B3GALT5: variants seen among roughly 807,000 people sequenced by gnomAD.
B3GALT5 encodes the protein UDP-Gal:betaGlcNAc beta 1,3-galactosyltransferase, polypeptide 5.
For missense variants in B3GALT5, 328 were observed against 396.6 expected (o/e 0.83, Z 1.47); for synonymous variants, 156 against 158.6 (o/e 0.98, Z 0.12).
In B3GALT5 at chr21:39,667,983, G is replaced by A. The variant is rs1290835272; in HGVS notation, c.*6491G>A. Reference sequence around the variant, plus strand: ...TTCACCTCAGAAGGTTGTCAGAGGTGTGGAAATTAAGATAATTCACATTGA... The same window carrying A: ...TTCACCTCAGAAGGTTGTCAGAGGTATGGAAATTAAGATAATTCACATTGA... On this transcript the variant is annotated 3_prime_UTR_variant, in exon 4 of 4. Coordinates refer to ENST00000684187, the MANE Select transcript of B3GALT5 (RefSeq NM_001356336.2). The A allele has an allele frequency of 1.3e-5, 2 of 152,270 alleles. No individual in the cohort carries two copies. The highest frequency in any genetic ancestry group is 3.9e-4 in the East Asian group (2 of 5,194). The allele number at this position is 152,270 out of a possible 1,614,324, so 9.4% of individuals were successfully genotyped here. A position where few individuals can be genotyped will look rare whatever the true frequency, so the allele number is the denominator to read the frequency against.
rs775691952 is a variant in B3GALT5, at chr21:39,661,006, G to A, written c.447G>A (p.Ala149=). 7.4e-6 allele frequency: 12 copies of A among 1,613,164 alleles called. No individual in the cohort carries two copies. Among genetic ancestry groups the A allele is most frequent in the East Asian group, 4.5e-5 (2 of 44,870 alleles). The change falls in exon 4 of 4, where the codon GCG becomes GCA. Residue 149 remains alanine, a synonymous_variant. Transcript: ENST00000684187. This position sits in a 1 kb window ranked among gnomAD's most constrained non-coding sequence, Gnocchi z 4.7. The part of the protein sequence containing the change: ...IEWVHRFCPQ[A]AFVMKTDSDM... ...GGGTCCATCGCTTTTGTCCTCAGGCGGCGTTTGTGATGAAAACAGACTCAG... is the reference window on the plus strand; with the variant it reads ...GGGTCCATCGCTTTTGTCCTCAGGCAGCGTTTGTGATGAAAACAGACTCAG...
intron 1 of B3GALT5, among the ~76,000 whole-genome samples, chr21:39,638,983 C>T (rs1027908777): frequency 2.0e-5 from 3 of 152,186 alleles, no homozygotes; most frequent in African/African-American, 4.8e-5. Context: ...GCCAGTTTCC[C>T]GTGTACAGCT....
chr21:39,639,347 T>TTTCTTTTTTTCCTTCCTTCC (rs762994044), intron 1 of B3GALT5, among the ~76,000 whole-genome samples: 41 of 66,770 alleles, frequency 6.1e-4, no homozygotes, highest in Admixed American at 1.6e-3. Context: ...TCTTTCTTTC[T>TTTCTTTTTTTCCTTCCTTCC]TTCCTTCCTT....
At chr21:39,638,512 C>A (rs955795293) in intron 1 of B3GALT5, among the ~76,000 whole-genome samples, 3 of 152,194 alleles carry the variant, frequency 2.0e-5, no homozygotes, top group African/African-American at 7.2e-5. Flanking sequence ...CTGGCTCCCC[C>A]ATCTGCTGAG....
intron 2 of B3GALT5, among the ~76,000 whole-genome samples, chr21:39,651,418 A>G (rs967056856): frequency 3.3e-5 from 5 of 152,160 alleles, no homozygotes; most frequent in Non-Finnish European, 7.4e-5. Flanking sequence ...TGCCTTTGGC[A>G]TTCCTTGGCT....
intron 1 of B3GALT5, among the ~76,000 whole-genome samples, chr21:39,641,529 G>C (rs563052496): frequency 6.6e-6 from 1 of 152,054 alleles, no homozygotes; most frequent in African/African-American, 2.4e-5. Flanking sequence ...CCTTTACCGC[G>C]TTTTTTAATA....
At position 39,669,313 on chromosome 21, in the gene B3GALT5, A is replaced by C. The variant is rs933783694; in HGVS notation, c.*7821A>C. 1 of 152,140 alleles carries C rather than the reference A, an allele frequency of 6.6e-6. No homozygotes were observed. The highest frequency in any genetic ancestry group is 1.5e-5 in the Non-Finnish European group (1 of 68,036). The allele number at this position is 152,140 out of a possible 1,614,324, so 9.4% of individuals were successfully genotyped here. On this transcript the variant is annotated 3_prime_UTR_variant, in exon 4 of 4. Transcript: ENST00000684187. ...AACCTTTTACAGTTAGGAAAGCCAA[A>C]GCTCAGAAAAATGGAGTGACTTTGC...
rs1042120971 is a variant in B3GALT5, at chr21:39,667,497, G to A, written c.*6005G>A. On this transcript the variant is annotated 3_prime_UTR_variant, in exon 4 of 4. Coordinates refer to ENST00000684187, the MANE Select transcript of B3GALT5 (RefSeq NM_001356336.2). The stretch of plus-strand genomic sequence containing the variant: ...TGAGCATGGCCTCTGGGAATGGTAA[G>A]AACAAGGAAGCATTGTGTGTGTGTG... 6.6e-6 allele frequency: 1 copy of A among 152,236 alleles called. No individual in the cohort carries two copies. Among genetic ancestry groups the A allele is most frequent in the African/African-American group, 2.4e-5 (1 of 41,460 alleles). The allele number at this position is 152,236 out of a possible 1,614,324, so 9.4% of individuals were successfully genotyped here.
At chr21:39,627,603 C>T (rs2079171087) in intron 1 of B3GALT5, among the ~76,000 whole-genome samples, 1 of 151,896 alleles carries the variant, frequency 6.6e-6, no homozygotes, top group Non-Finnish European at 1.5e-5. Flanking sequence ...CTTTGCTATT[C>T]ATTTTTCTGC....
chr21:39,641,235 G>A (rs537875385), intron 1 of B3GALT5, among the ~76,000 whole-genome samples: 1 of 152,278 alleles, frequency 6.6e-6, no homozygotes, highest in African/African-American at 2.4e-5. Context: ...AAAACATGAA[G>A]TTAAAATCCA....
At chr21:39,656,274 G>A (rs1336906007) in intron 2 of B3GALT5, among the ~76,000 whole-genome samples, 1 of 152,140 alleles carries the variant, frequency 6.6e-6, no homozygotes, top group East Asian at 1.9e-4. Flanking sequence ...AGGCCTATGC[G>A]GTGGTGAGAA....
At chr21:39,647,601 A>G (rs116791585) in intron 2 of B3GALT5, among the ~76,000 whole-genome samples, 1 of 152,084 alleles carries the variant, frequency 6.6e-6, no homozygotes, top group East Asian at 1.9e-4. Flanking sequence ...CACTGACTTC[A>G]GCCTCCCAAG....
At chr21:39,636,891 G>A (rs1041770210) in intron 1 of B3GALT5, among the ~76,000 whole-genome samples, 1 of 152,178 alleles carries the variant, frequency 6.6e-6, no homozygotes, top group African/African-American at 2.4e-5. Context: ...GAAGGGATCC[G>A]CTGTTTCTCA....
In B3GALT5 at chr21:39,661,822, C is replaced by G. The variant is rs1271653648; in HGVS notation, c.*330C>G. On this transcript the variant is annotated 3_prime_UTR_variant, in exon 4 of 4. Transcript: ENST00000684187. The surrounding 1 kb of genome is among the most constrained non-coding windows in gnomAD (Gnocchi z 4.7). Reference sequence around the variant, plus strand: ...ACAGCAGCTGCGAGAGGTACAGAAACTTGTCCCAAGGCTCACAGCCAGTAG... The same window carrying G: ...ACAGCAGCTGCGAGAGGTACAGAAAGTTGTCCCAAGGCTCACAGCCAGTAG... The G allele has an allele frequency of 9.5e-6, 2 of 211,170 alleles. No individual in the cohort carries two copies. Among genetic ancestry groups the G allele is most frequent in the Non-Finnish European group, 2.1e-5 (2 of 97,394 alleles). 13.1% of individuals were successfully genotyped at this position (211,170 alleles called of 1,614,324 possible).
intron 2 of B3GALT5, among the ~76,000 whole-genome samples, chr21:39,649,761 A>G (rs2079377108): frequency 6.6e-6 from 1 of 152,124 alleles, no homozygotes; most frequent in Admixed American, 6.6e-5. Flanking sequence ...GACGTTGGGG[A>G]TCTGGAGGCA....
At chr21:39,622,965 A>G (rs962344251) in intron 1 of B3GALT5, among the ~76,000 whole-genome samples, 2 of 152,128 alleles carry the variant, frequency 1.3e-5, no homozygotes, top group African/African-American at 4.8e-5. Context: ...TATTTTCTCT[A>G]TCATGACAAG....
Position 39,660,547 on chromosome 21 carries a change from T to C in B3GALT5, c.1-13T>C. 1 of 1,414,944 alleles carries C rather than the reference T, an allele frequency of 7.1e-7. No homozygotes were observed. Among genetic ancestry groups the C allele is most frequent in the Non-Finnish European group, 9.3e-7 (1 of 1,081,052 alleles). 87.6% of individuals were successfully genotyped at this position (1,414,944 alleles called of 1,614,324 possible). A position where few individuals can be genotyped will look rare whatever the true frequency, so the allele number is the denominator to read the frequency against. ...GCTTTTGAGGTCTAATCATTGGATTTTGTTCCTTTCAGATGGCTTTCCCGA... is the reference window on the plus strand; with the variant it reads ...GCTTTTGAGGTCTAATCATTGGATTCTGTTCCTTTCAGATGGCTTTCCCGA... On this transcript the variant is annotated splice_polypyrimidine_tract_variant and intron_variant, in intron 3 of 3. Coordinates refer to ENST00000684187, the MANE Select transcript of B3GALT5 (RefSeq NM_001356336.2).
intron 2 of B3GALT5, chr21:39,657,956 G>C: frequency 8.2e-7 from 1 of 1,219,446 alleles, no homozygotes; most frequent in Non-Finnish European, 1.0e-6. Flanking sequence ...GGCAGAGCTA[G>C]CTTGTGCTGA....
At position 39,662,340 on chromosome 21, in the gene B3GALT5, A is replaced by C. The variant is rs983941447; in HGVS notation, c.*848A>C. ...GCTGCTCTCTCATTTCATCACCCCAACTGTCCCTTGTTTTTGATCAATGGG... is the reference window on the plus strand; with the variant it reads ...GCTGCTCTCTCATTTCATCACCCCACCTGTCCCTTGTTTTTGATCAATGGG... On this transcript the variant is annotated 3_prime_UTR_variant, in exon 4 of 4. Coordinates refer to ENST00000684187, the MANE Select transcript of B3GALT5 (RefSeq NM_001356336.2). The C allele has an allele frequency of 6.0e-6, 1 of 167,024 alleles. No homozygotes were observed. The highest frequency in any genetic ancestry group is 6.5e-5 in the Admixed American group (1 of 15,276). 10.3% of individuals were successfully genotyped at this position (167,024 alleles called of 1,614,324 possible).
Sources: allele counts gnomAD v4.1 joint callset (sites outside exome capture counted in the v4.1 genomes callset), GRCh38; gene constraint gnomAD v4.1.1; non-coding constraint Gnocchi (gnomAD v3.1); transcripts MANE v1.5; gene names NCBI Gene and HGNC (gene_info 2026-07-23, HGNC 2026-07-21).